CDH13: variants seen among roughly 807,000 people sequenced by gnomAD.
CDH13 encodes the protein cadherin-13.
CDH13 carries 24 observed loss-of-function variants against 63.8 expected under a neutral mutation model. The ratio of observed to expected loss-of-function variants is 0.38; its 90% CI spans 0.27 to 0.53. The LOEUF (loss-of-function observed/expected upper bound fraction) is 0.53. Ranked by LOEUF, CDH13 falls within the 20% of genes least tolerant of loss-of-function variation. The pLI, the probability that CDH13 is intolerant of heterozygous loss-of-function variation, is 0.85. For missense variants in CDH13, 1,049 were observed against 903.1 expected, an observed-to-expected ratio of 1.16 and a Z score of -2.07; for synonymous variants, 503 against 355.3, an observed-to-expected ratio of 1.42 and a Z score of -4.67.
rs188055388 is a variant in CDH13, at chr16:82,881,440, A to G, written c.157+22967A>G. Among the ~76,000 whole-genome samples, 66 of 152,262 alleles carry G rather than the reference A, an allele frequency of 4.3e-4. 2 individuals are homozygous for G. The highest frequency in any genetic ancestry group is 6.8e-3 in the Middle Eastern group (2 of 294). Reference sequence around the variant, plus strand: ...TCTGAAGCCAGGATGGCTGTTCACAATGGTCCTGAGTTGGGGCAAGGGAGC... The same window carrying G: ...TCTGAAGCCAGGATGGCTGTTCACAGTGGTCCTGAGTTGGGGCAAGGGAGC... On this transcript the variant is annotated intron_variant, in intron 2 of 13. Coordinates refer to ENST00000567109, the MANE Select transcript of CDH13 (RefSeq NM_001257.5).
intron 5 of CDH13, among the ~76,000 whole-genome samples, chr16:83,331,868 T>A (rs1000119176): frequency 2.0e-5 from 3 of 152,184 alleles, no homozygotes; most frequent in African/African-American, 7.2e-5. Flanking sequence ...AACATTGTGT[T>A]GATTGTAGTT....
chr16:82,886,939 C>G (rs1448669749), intron 2 of CDH13, among the ~76,000 whole-genome samples: 2 of 152,158 alleles, frequency 1.3e-5, no homozygotes, highest in Admixed American at 1.3e-4. Flanking sequence ...GATAACTACT[C>G]CATTCTGTAT....
intron 4 of CDH13, among the ~76,000 whole-genome samples, chr16:83,141,693 G>C (rs866453180): frequency 6.6e-6 from 1 of 152,058 alleles, no homozygotes; most frequent in Non-Finnish European, 1.5e-5. Flanking sequence ...ACAGGCCCCA[G>C]TGTGTGATGT....
At chr16:83,458,491 G>T (rs1416437120) in intron 6 of CDH13, among the ~76,000 whole-genome samples, 1 of 151,988 alleles carries the variant, frequency 6.6e-6, no homozygotes, top group Non-Finnish European at 1.5e-5. Context: ...GTTTTGATAT[G>T]ATTTTACAAA....
At chr16:83,419,912 A>G (rs9923571) in intron 6 of CDH13, among the ~76,000 whole-genome samples, 1,682 of 110,548 alleles carry the variant, frequency 0.015, 29 homozygotes, top group African/African-American at 0.049. Context: ...GAATCGTCCA[A>G]TCTTTTTTTT....
chr16:82,672,394 C>A (rs570169235), intron 1 of CDH13, among the ~76,000 whole-genome samples: 2 of 152,132 alleles, frequency 1.3e-5, no homozygotes, highest in Non-Finnish European at 2.9e-5. Context: ...CATGTATGCA[C>A]CACCACCTTA....
At chr16:83,676,066 C>T (rs891799468) in intron 9 of CDH13, among the ~76,000 whole-genome samples, 2 of 152,016 alleles carry the variant, frequency 1.3e-5, no homozygotes, top group African/African-American at 4.8e-5. Context: ...AATGACATCC[C>T]CAGGAAAGAA....
intron 5 of CDH13, among the ~76,000 whole-genome samples, chr16:83,262,224 A>G (rs562140931): frequency 6.6e-6 from 1 of 152,256 alleles, no homozygotes; most frequent in South Asian, 2.1e-4. Context: ...GCTTCATGCA[A>G]TCCCCTGTAA....
At chr16:82,971,886 T>A (rs72790199) in intron 2 of CDH13, among the ~76,000 whole-genome samples, 18,551 of 152,256 alleles carry the variant, frequency 0.12, 1,321 homozygotes, top group East Asian at 0.16. Context: ...CTGCATGGCC[T>A]GTACCCTTGT....
chr16:82,775,668 G>C (rs1197795267), intron 1 of CDH13, among the ~76,000 whole-genome samples: 1 of 152,194 alleles, frequency 6.6e-6, no homozygotes, highest in African/African-American at 2.4e-5. Context: ...AGAGCAAAAA[G>C]TGAAACCCAG....
intron 3 of CDH13, among the ~76,000 whole-genome samples, chr16:83,103,345 A>T (rs1331930711): frequency 6.8e-6 from 1 of 146,192 alleles, no homozygotes; most frequent in Non-Finnish European, 1.5e-5. Context: ...CTCCAGGTTC[A>T]AGCAATTCTC....
chr16:83,651,375 G>A (rs1912358973), intron 8 of CDH13, among the ~76,000 whole-genome samples: 1 of 151,932 alleles, frequency 6.6e-6, no homozygotes, highest in African/African-American at 2.4e-5. Flanking sequence ...TTGCTTATGT[G>A]CTGGGCATTC....
At chr16:83,464,866 C>T (rs1047985762) in intron 6 of CDH13, among the ~76,000 whole-genome samples, 4 of 152,178 alleles carry the variant, frequency 2.6e-5, no homozygotes, top group South Asian at 2.1e-4. Context: ...GGGTCTTGAA[C>T]GCCTGACCTC....
chr16:83,373,038 T>C (rs1473537603), intron 6 of CDH13, among the ~76,000 whole-genome samples: 1 of 152,204 alleles, frequency 6.6e-6, no homozygotes, highest in Admixed American at 6.5e-5. Flanking sequence ...GTCATATCAA[T>C]AAAATTGATC....
In CDH13 at chr16:82,946,523, C is replaced by G. The variant is rs1712808371; in HGVS notation, c.158-85487C>G. On this transcript the variant is annotated intron_variant, in intron 2 of 13. Coordinates refer to ENST00000567109, the MANE Select transcript of CDH13 (RefSeq NM_001257.5). ...TCACTTGAGGCCAGGGAGTTCAAGA[C>G]CAGCCTGGCCAAGATGGCAAAACCT... Among the ~76,000 whole-genome samples the G allele has an allele frequency of 2.6e-5, 4 of 152,008 alleles. No individual in the cohort carries two copies. The South Asian group carries it at 8.3e-4, about 32-fold the overall frequency.
intron 1 of CDH13, among the ~76,000 whole-genome samples, chr16:82,732,271 TA>T (rs775688892): frequency 4.0e-5 from 6 of 151,382 alleles, no homozygotes; most frequent in East Asian, 1.9e-4. Context: ...AATTGTGATT[TA>T]AAAAAAAATA....
intron 1 of CDH13, among the ~76,000 whole-genome samples, chr16:82,746,206 AAC>A (rs1490783231): frequency 6.3e-5 from 6 of 95,838 alleles, no homozygotes; most frequent in Admixed American, 1.3e-4. Flanking sequence ...TTTATATATA[AAC>A]ACACTGTTTA....
intron 2 of CDH13, among the ~76,000 whole-genome samples, chr16:82,916,255 G>A (rs185278244): frequency 6.6e-6 from 1 of 152,216 alleles, no homozygotes; most frequent in Non-Finnish European, 1.5e-5. Context: ...TAGAAGGTGA[G>A]AGATTCGTGT....
At chr16:82,817,327 A>G (rs1234968887) in intron 1 of CDH13, among the ~76,000 whole-genome samples, 1 of 152,112 alleles carries the variant, frequency 6.6e-6, no homozygotes, top group African/African-American at 2.4e-5. Flanking sequence ...TTCTTAGCTC[A>G]GCGTGCTCAC....
Sources: gnomAD v4.1 joint callset for allele counts (sites outside exome capture counted in the v4.1 genomes callset) on GRCh38, gnomAD v4.1.1 for gene constraint, MANE v1.5 for transcripts, NCBI Gene and HGNC (gene_info 2026-07-23, HGNC 2026-07-21) for gene names.